The following CCDC78 variants were observed in gnomAD, a reference collection of about 807,000 sequenced individuals.
CCDC78 encodes coiled-coil domain containing 78, also known as coiled-coil domain-containing protein 78.
Under a neutral mutation model 61.9 loss-of-function variants are expected in CCDC78, and 78 were observed. The observed-to-expected ratio is 1.26, with a 90% confidence interval of 1.05 to 1.52. CCDC78 has a LOEUF of 1.52. CCDC78 is among the 40% of genes most tolerant of loss of function. The pLI, the probability that CCDC78 is intolerant of heterozygous loss-of-function variation, is 0.00. For synonymous variants in CCDC78, 287 were observed against 251.9 expected (o/e 1.14, Z -1.32); for missense variants, 737 against 615.5 (o/e 1.20, Z -2.09).
chr16:725,561 C>A lies in CCDC78; in HGVS notation c.287G>T (p.Arg96Leu). The A allele has an allele frequency of 6.2e-7, 1 of 1,609,596 alleles. No homozygotes were observed. Among genetic ancestry groups the A allele is most frequent in the Non-Finnish European group, 8.5e-7 (1 of 1,178,614 alleles). The stretch of plus-strand genomic sequence containing the variant: ...TCCTCGCAGCTCCAGCTCCAGTACC[C>A]GGCTCTCCAGCCGAAGGATCTGTGG... ...LKSEILRLESRVLELELRGDG... is the reference protein window; with the variant it reads ...LKSEILRLESLVLELELRGDG... The change falls in exon 4 of 14, where the codon CGG becomes CTG. Residue 96 changes from arginine to leucine, a missense_variant. Coordinates refer to ENST00000345165, the MANE Select transcript of CCDC78 (RefSeq NM_001378030.1).
chr16:723,843 A>G lies in CCDC78; in HGVS notation c.1133+14T>C, dbSNP rs929618078. ...TCCCCCACAGGCCTCCCCCACACCC[A>G]TGAGGGCACTCACTGTGGCTCTGAT... On this transcript the variant is annotated intron_variant, in intron 11 of 13. Transcript: ENST00000345165. The G allele has an allele frequency of 1.7e-5, 26 of 1,571,504 alleles. No individual in the cohort carries two copies. Among genetic ancestry groups the G allele is most frequent in the Non-Finnish European group, 2.2e-5 (25 of 1,158,482 alleles).
At chr16:725,336 C>G (rs201344742) in intron 4 of CCDC78, 43 bp from the exon 5 acceptor site, 1 of 1,610,882 alleles carries the variant, frequency 6.2e-7, no homozygotes, top group Non-Finnish European at 8.5e-7. Flanking sequence ...GGTGGGTGAG[C>G]CCCAGTTTCA....
Position 722,669 on chromosome 16 carries a change from G to A in CCDC78, c.*9C>T. ...GAGCTCTGCTCTGCTCTGCTCCTTG[G>A]GAGACGGCCTAGTGGCTGCCGGTCC... On this transcript the variant is annotated 3_prime_UTR_variant, in exon 14 of 14. Transcript: ENST00000345165. 1 of 1,601,790 alleles carries A rather than the reference G, an allele frequency of 6.2e-7. No individual in the cohort carries two copies. Among genetic ancestry groups the A allele is most frequent in the Non-Finnish European group, 8.5e-7 (1 of 1,179,202 alleles).
Position 723,083 on chromosome 16 carries a change from C to T in CCDC78, c.1200+12G>A, listed in dbSNP as rs746266109. ...GCGTGAGGATGGGCCTGGGCCAGCC[C>T]TTGCCTCCTACCTGGGTGCTGCGGG... On this transcript the variant is annotated intron_variant, in intron 12 of 13. Transcript: ENST00000345165. The T allele has an allele frequency of 2.2e-5, 35 of 1,612,636 alleles. No individual in the cohort carries two copies. Among genetic ancestry groups the T allele is most frequent in the Non-Finnish European group, 2.8e-5 (33 of 1,180,014 alleles).
chr16:725,421 T>C lies in CCDC78; in HGVS notation c.427A>G (p.Arg143Gly), dbSNP rs1483835928. The C allele has an allele frequency of 1.9e-6, 3 of 1,612,646 alleles. No individual in the cohort carries two copies. The highest frequency in any genetic ancestry group is 2.5e-6 in the Non-Finnish European group (3 of 1,179,922). Residue 143 changes from arginine to glycine, a missense_variant, in exon 4 of 14, where the codon AGA becomes GGA. Transcript: ENST00000345165. Reference sequence around the variant, plus strand: ...CATATGCTCATGGTAACCTGGAATCTGTGGTCATCAGAGTGTCCAGGCACC... The same window carrying C: ...CATATGCTCATGGTAACCTGGAATCCGTGGTCATCAGAGTGTCCAGGCACC... Reference protein sequence around the residue: ...AQVPGHSDDHRFQVQPKNTMN... With the variant: ...AQVPGHSDDHGFQVQPKNTMN...
chr16:722,785 T>C lies in CCDC78; in HGVS notation c.1306A>G (p.Lys436Glu). Residue 436 changes from lysine (K) to glutamate (E), a missense_variant, in exon 14 of 14, where the codon AAG becomes GAG. Physicochemically the swap from Lys to Glu is moderately conservative, Grantham distance 56. Transcript: ENST00000345165. The part of the protein sequence containing the change: ...EYVDQHLGRY[K>E]HEILRLRKLA... Reference sequence around the variant, plus strand: ...TTCCTCAGCCTCAGGATTTCGTGCTTGTACCTGCTCAGAGGAACCATGCTT... The same window carrying C: ...TTCCTCAGCCTCAGGATTTCGTGCTCGTACCTGCTCAGAGGAACCATGCTT... 2 of 1,612,660 alleles carry C rather than the reference T, an allele frequency of 1.2e-6. No individual in the cohort carries two copies. The highest frequency in any genetic ancestry group is 1.7e-6 in the Non-Finnish European group (2 of 1,179,966).
At chr16:723,972 T>C (rs1209316068) in intron 10 of CCDC78, 36 bp from the exon 11 acceptor site, 1 of 1,601,348 alleles carries the variant, frequency 6.2e-7, no homozygotes, top group Admixed American at 1.7e-5. Flanking sequence ...TTCAGTTGGC[T>C]GAACAAGGCA....
chr16:726,079 G>C lies in CCDC78; in HGVS notation c.67C>G (p.Leu23Val). The change falls in exon 2 of 14, where the codon CTA (leucine) becomes GTA (valine). Residue 23 changes from leucine to valine, a missense_variant. Leu to Val is a conservative substitution (Grantham distance 32). Coordinates refer to ENST00000345165, the MANE Select transcript of CCDC78 (RefSeq NM_001378030.1). ...CCTGGCAGCCAGTCCTTGGCTCGTA[G>C]CACAACCTGGGGAGGTACCGCCACC... Reference protein sequence around the residue: ...PPSRRVENVVLRAKDWLPGAP... With the variant: ...PPSRRVENVVVRAKDWLPGAP... The C allele has an allele frequency of 6.5e-7, 1 of 1,548,766 alleles. No individual in the cohort carries two copies. The highest frequency in any genetic ancestry group is 8.7e-7 in the Non-Finnish European group (1 of 1,146,666).
At chr16:723,821 C>T in intron 11 of CCDC78, 36 bp downstream of exon 11, 2 of 1,544,494 alleles carry the variant, frequency 1.3e-6, no homozygotes, top group Non-Finnish European at 1.8e-6. Context: ...CTGCTCATCC[C>T]CCACAGGCCT....
In CCDC78 at chr16:725,503, C is replaced by T; in HGVS notation, c.345G>A (p.Val115=). Residue 115 remains valine (V), a synonymous_variant, in exon 4 of 14, where the codon GTG becomes GTA. Transcript: ENST00000345165. ...DGTSQGCAVP[V]ESDPRHPRAA... is the part of the protein sequence containing the mutation. Reference sequence around the variant, plus strand: ...CCCGGGGATGCCTGGGGTCAGACTCCACTGGGACTGCACAGCCCTGGCTGG... The same window carrying T: ...CCCGGGGATGCCTGGGGTCAGACTCTACTGGGACTGCACAGCCCTGGCTGG... 5.0e-6 allele frequency: 8 copies of T among 1,612,680 alleles called. No individual in the cohort carries two copies. The highest frequency in any genetic ancestry group is 6.8e-6 in the Non-Finnish European group (8 of 1,179,998).
Position 722,662 on chromosome 16 carries a change from C to T in CCDC78, c.*16G>A, listed in dbSNP as rs2040308763. 6 of 1,603,150 alleles carry T rather than the reference C, an allele frequency of 3.7e-6. No individual in the cohort carries two copies. The highest frequency in any genetic ancestry group is 5.1e-6 in the Non-Finnish European group (6 of 1,179,522). On this transcript the variant is annotated 3_prime_UTR_variant, in exon 14 of 14. Transcript: ENST00000345165. ...GGCTGAGGAGCTCTGCTCTGCTCTG[C>T]TCCTTGGGAGACGGCCTAGTGGCTG...
Position 726,316 on chromosome 16 carries a change from C to A in CCDC78, c.52G>T (p.Val18Leu). 3.2e-6 allele frequency: 5 copies of A among 1,548,276 alleles called. No homozygotes were observed. The highest frequency in any genetic ancestry group is 4.4e-6 in the Non-Finnish European group (5 of 1,146,666). Reference protein sequence around the residue: ...GPRPGPPSRRVENVVLRAKDW... With the variant: ...GPRPGPPSRRLENVVLRAKDW... ...AGTCCCAGAGGACTCACATTCTCCA[C>A]CCGCCGAGAGGGAGGTCCAGGCCTG... The change falls in exon 1 of 14, where the codon GTG (valine) becomes TTG (leucine). Residue 18 changes from valine (V) to leucine (L), a missense_variant. Transcript: ENST00000345165.
At position 724,527 on chromosome 16, in the gene CCDC78, G is replaced by T. The variant is rs1306902509; in HGVS notation, c.766-18C>A. Reference sequence around the variant, plus strand: ...GCGTGCTCCTGGAGGCGGCGGGCTGGGTCCGCATGGGGCCCACCCCCCATC... The same window carrying T: ...GCGTGCTCCTGGAGGCGGCGGGCTGTGTCCGCATGGGGCCCACCCCCCATC... On this transcript the variant is annotated intron_variant, in intron 8 of 13. Coordinates refer to ENST00000345165, the MANE Select transcript of CCDC78 (RefSeq NM_001378030.1). 1.5e-5 allele frequency: 23 copies of T among 1,584,674 alleles called. No homozygotes were observed. The Admixed American group carries it at 3.6e-4, about 25-fold the overall frequency.
intron 8 of CCDC78, 60 bp from the exon 9 acceptor site, chr16:724,569 C>G: frequency 6.4e-7 from 1 of 1,558,836 alleles, no homozygotes. Context: ...AACCATCCCC[C>G]CACCCCAGCA....
In CCDC78 at chr16:722,626, G is replaced by T; in HGVS notation, c.*52C>A. The T allele has an allele frequency of 6.5e-7, 1 of 1,543,176 alleles. No individual in the cohort carries two copies. Among genetic ancestry groups the T allele is most frequent in the Non-Finnish European group, 8.9e-7 (1 of 1,129,246 alleles). On this transcript the variant is annotated 3_prime_UTR_variant, in exon 14 of 14. Coordinates refer to ENST00000345165, the MANE Select transcript of CCDC78 (RefSeq NM_001378030.1). Reference sequence around the variant, plus strand: ...TGTTTTATGGGGGGCTGGGTGGGAGGGTTCTGTGCTGGCTGAGGAGCTCTG... The same window carrying T: ...TGTTTTATGGGGGGCTGGGTGGGAGTGTTCTGTGCTGGCTGAGGAGCTCTG...
Position 725,311 on chromosome 16 carries a change from C to T in CCDC78, c.436-18G>A. 6.2e-7 allele frequency: 1 copy of T among 1,609,208 alleles called. No individual in the cohort carries two copies. The highest frequency in any genetic ancestry group is 1.1e-5 in the South Asian group (1 of 91,090). ...GGCTGCACCTGAATGGAAGGGAGGG[C>T]AGGGAAAGCTAAGGGGTGGGTGAGC... On this transcript the variant is annotated intron_variant, in intron 4 of 13. Coordinates refer to ENST00000345165, the MANE Select transcript of CCDC78 (RefSeq NM_001378030.1).
At chr16:723,646 C>T (rs767349269) in intron 11 of CCDC78, 22 of 700,142 alleles carry the variant, frequency 3.1e-5, no homozygotes, top group Admixed American at 6.0e-5. Flanking sequence ...CCAGCTCCAC[C>T]TGCAGCAGCC....
At position 724,198 on chromosome 16, in the gene CCDC78, C is replaced by G. The variant is rs1441631809; in HGVS notation, c.961G>C (p.Gly321Arg). 1 of 1,595,994 alleles carries G rather than the reference C, an allele frequency of 6.3e-7. No individual in the cohort carries two copies. The highest frequency in any genetic ancestry group is 1.7e-5 in the Admixed American group (1 of 58,242). ...EELLVAYRAP[G>R]NPQAIFDIAS... ...ATGTCAAAAATAGCTTGGGGGTTCC[C>G]AGGTGCCCTGTCAGGGTAGGCTAGT... The change falls in exon 10 of 14, where the codon GGG becomes CGG. Residue 321 changes from glycine (G) to arginine (R), a missense_variant. Physicochemically the swap from Gly to Arg is moderately radical, Grantham distance 125 (BLOSUM62 -2). Coordinates refer to ENST00000345165, the MANE Select transcript of CCDC78 (RefSeq NM_001378030.1).
At chr16:725,674 C>G (rs1469997560) in intron 3 of CCDC78, 94 bp from the exon 4 acceptor site, 1 of 1,577,060 alleles carries the variant, frequency 6.3e-7, no homozygotes. Context: ...GCGCGCAGCA[C>G]TCAGAGGCAG....
Sources: gnomAD v4.1 joint callset for allele counts on GRCh38, gnomAD v4.1.1 for gene constraint, MANE v1.5 for transcripts, NCBI Gene and HGNC (gene_info 2026-07-23, HGNC 2026-07-21) for gene names.